FAM219A: variants seen among roughly 807,000 people sequenced by gnomAD.
FAM219A encodes the protein family with sequence similarity 219 member A.
A neutral mutation model predicts 23.4 loss-of-function variants in FAM219A; 7 were observed. The observed-to-expected ratio is 0.30, with a 90% CI of 0.17 to 0.56. FAM219A has a LOEUF of 0.56. FAM219A is among the 20% of genes least tolerant of loss of function. The pLI, the probability that FAM219A is intolerant of heterozygous loss-of-function variation, is 0.92. For synonymous variants in FAM219A, 93 were observed against 99.0 expected (o/e 0.94, Z 0.36); for missense variants, 166 against 246.9 (o/e 0.67, Z 2.20).
At position 34,457,946 on chromosome 9, in the gene FAM219A, C is replaced by A. The variant is rs2132031733; in HGVS notation, c.60+258G>T. Among the ~76,000 whole-genome samples the A allele has an allele frequency of 6.6e-6, 1 of 152,342 alleles. No individual in the cohort carries two copies. The highest frequency in any genetic ancestry group is 2.1e-4 in the South Asian group (1 of 4,830). ...TCCACTAGCGGTGTGCACCTTTGTG[C>A]CCCCTCCGTTCCATCCGACGGTGCC... On this transcript the variant is annotated intron_variant, in intron 1 of 5. Transcript: ENST00000651358. The surrounding 1 kb of genome is among the most constrained non-coding windows in gnomAD (Gnocchi z 5.1).
intron 1 of FAM219A, among the ~76,000 whole-genome samples, chr9:34,434,482 A>G (rs1173581845): frequency 6.6e-6 from 1 of 152,180 alleles, no homozygotes; most frequent in African/African-American, 2.4e-5. Flanking sequence ...AGAGAAAAAG[A>G]ATCTGAAGCC....
intron 1 of FAM219A, among the ~76,000 whole-genome samples, chr9:34,443,297 G>T (rs1011031867): frequency 2.6e-5 from 4 of 152,100 alleles, no homozygotes; most frequent in African/African-American, 9.7e-5. Flanking sequence ...CTCCAGGAAG[G>T]CCCACTCTGC....
At chr9:34,404,701 C>CT (rs11368388) in intron 2 of FAM219A, among the ~76,000 whole-genome samples, 3,316 of 148,934 alleles carry the variant, frequency 0.022, 136 homozygotes, top group African/African-American at 0.078. Context: ...GAGAGAGACT[C>CT]TGTCTCAAAA....
chr9:34,437,933 G>A (rs891077761), intron 1 of FAM219A, among the ~76,000 whole-genome samples: 3 of 152,242 alleles, frequency 2.0e-5, no homozygotes, highest in South Asian at 2.1e-4. Context: ...AGGGAGAGGC[G>A]CGAGCGGGAA....
At chr9:34,406,104 G>C (rs1346443543) in intron 1 of FAM219A, 140 bp from the exon 2 acceptor site, 22 of 972,788 alleles carry the variant, frequency 2.3e-5, no homozygotes, top group Middle Eastern at 5.6e-4. Context: ...GGCATTCAGG[G>C]AGAGAGGGGC....
At chr9:34,428,719 G>C (rs1822577702) in intron 1 of FAM219A, among the ~76,000 whole-genome samples, 1 of 152,264 alleles carries the variant, frequency 6.6e-6, no homozygotes, top group South Asian at 2.1e-4. Flanking sequence ...CTGAGAGCGA[G>C]CTCTGGCTGA....
chr9:34,406,350 C>A, intron 1 of FAM219A: 1 of 985,390 alleles, frequency 1.0e-6, no homozygotes, highest in Non-Finnish European at 1.2e-6. Flanking sequence ...TCCTAGGTTC[C>A]TGTGAGTTTA....
rs1821300618 is a variant in FAM219A, at chr9:34,398,456, C to T, written c.*2508G>A. 7.1e-7 allele frequency: 1 copy of T among 1,414,440 alleles called. No homozygotes were observed. Among genetic ancestry groups the T allele is most frequent in the Non-Finnish European group, 9.7e-7 (1 of 1,028,768 alleles). 87.6% of individuals were successfully genotyped at this position (1,414,440 alleles called of 1,614,324 possible). A position where few individuals can be genotyped will look rare whatever the true frequency, so the allele number is the denominator to read the frequency against. ...AGATTCTTCCCTCCAACCTCCCAGA[C>T]AGGGAAGGAGGGAGCCACACCCCTC... On this transcript the variant is annotated 3_prime_UTR_variant, in exon 6 of 6. Transcript: ENST00000651358.
chr9:34,426,217 C>T (rs967790366), intron 1 of FAM219A, among the ~76,000 whole-genome samples: 5 of 152,194 alleles, frequency 3.3e-5, no homozygotes, highest in Admixed American at 1.3e-4. Context: ...CCACCACTCC[C>T]TTCTATTTTA....
At chr9:34,453,105 A>G (rs569796174) in intron 1 of FAM219A, among the ~76,000 whole-genome samples, 1 of 152,352 alleles carries the variant, frequency 6.6e-6, no homozygotes, top group South Asian at 2.1e-4. Flanking sequence ...GCCTCTGCCC[A>G]GGAGCCTGAG....
At chr9:34,415,673 A>G (rs1286677778) in intron 1 of FAM219A, among the ~76,000 whole-genome samples, 1 of 152,166 alleles carries the variant, frequency 6.6e-6, no homozygotes, top group African/African-American at 2.4e-5. Context: ...CATAGGAGTG[A>G]GCCTCTAGGA....
rs1390505380 is a variant in FAM219A, at chr9:34,416,255, G to GAA, written c.61-10293_61-10292dup. On this transcript the variant is annotated intron_variant, in intron 1 of 5. Transcript: ENST00000651358. ...AGAAAGAAAGAAAGAAAGAAAGAAA[G>GAA]AAAGGGGGAGGGAGGGAGGGAAGGA... Among the ~76,000 whole-genome samples the GAA allele has an allele frequency of 3.1e-5, 4 of 129,846 alleles. No individual in the cohort carries two copies. The East Asian group carries it at 7.4e-4, about 24-fold the overall frequency. 85.2% of individuals were successfully genotyped at this position (129,846 alleles called of 152,430 possible).
intron 1 of FAM219A, among the ~76,000 whole-genome samples, chr9:34,414,949 A>T (rs1190266500): frequency 2.6e-5 from 4 of 151,892 alleles, no homozygotes; most frequent in African/African-American, 9.7e-5. Context: ...CTTCTTTGTC[A>T]TTTTTTCTTT....
chr9:34,458,414 G>A lies in FAM219A; in HGVS notation c.-151C>T. On this transcript the variant is annotated 5_prime_UTR_variant, in exon 1 of 6. Coordinates refer to ENST00000651358, the MANE Select transcript of FAM219A (RefSeq NM_001184940.2). The surrounding 1 kb of genome is among the most constrained non-coding windows in gnomAD (Gnocchi z 6.6). ...GCAGGGGCCGGGCGGATGCAGGGGTGGGCGGGGGCGAGAGGTTCGCAGACT... is the reference window on the plus strand; with the variant it reads ...GCAGGGGCCGGGCGGATGCAGGGGTAGGCGGGGGCGAGAGGTTCGCAGACT... 2.4e-6 allele frequency: 1 copy of A among 410,692 alleles called. No individual in the cohort carries two copies. The highest frequency in any genetic ancestry group is 3.9e-6 in the Non-Finnish European group (1 of 255,024). 25.4% of individuals were successfully genotyped at this position (410,692 alleles called of 1,614,324 possible). A position where few individuals can be genotyped will look rare whatever the true frequency, so the allele number is the denominator to read the frequency against.
chr9:34,416,040 G>C (rs1564003069), intron 1 of FAM219A, among the ~76,000 whole-genome samples: 1 of 151,844 alleles, frequency 6.6e-6, no homozygotes, highest in African/African-American at 2.4e-5. Flanking sequence ...AGCCAGGTGT[G>C]GTGGCACACA....
At position 34,458,094 on chromosome 9, in the gene FAM219A, T is replaced by C. The variant is rs538924283; in HGVS notation, c.60+110A>G. The C allele has an allele frequency of 6.8e-6, 7 of 1,028,800 alleles. No homozygotes were observed. In the South Asian group the frequency reaches 1.1e-4, roughly 17 times the overall value. 63.7% of individuals were successfully genotyped at this position (1,028,800 alleles called of 1,614,324 possible). A position where few individuals can be genotyped will look rare whatever the true frequency, so the allele number is the denominator to read the frequency against. ...CGGCAATACGTTTTCAGGGATCTCT[T>C]TGCCCCATCCGATGGCGCCCCTCCG... is the stretch of plus-strand genomic sequence containing the variant. On this transcript the variant is annotated intron_variant, in intron 1 of 5. Coordinates refer to ENST00000651358, the MANE Select transcript of FAM219A (RefSeq NM_001184940.2). This position sits in a 1 kb window ranked among gnomAD's most constrained non-coding sequence, Gnocchi z 6.6.
intron 1 of FAM219A, among the ~76,000 whole-genome samples, chr9:34,437,905 G>C (rs1470346524): frequency 6.6e-6 from 1 of 152,262 alleles, no homozygotes; most frequent in Admixed American, 6.5e-5. Flanking sequence ...GGCTCCCTCA[G>C]CTTGCAGGGA....
At chr9:34,435,428 T>C (rs1056324239) in intron 1 of FAM219A, among the ~76,000 whole-genome samples, 2 of 151,638 alleles carry the variant, frequency 1.3e-5, no homozygotes, top group African/African-American at 4.9e-5. Flanking sequence ...TTTCCCCAAA[T>C]AGAAAAAAAT....
chr9:34,433,896 T>A (rs1457200426), intron 1 of FAM219A, among the ~76,000 whole-genome samples: 1 of 152,098 alleles, frequency 6.6e-6, no homozygotes, highest in Non-Finnish European at 1.5e-5. Context: ...GTTGCTCAGG[T>A]TGGTTTTAAG....
Sources: gnomAD v4.1 joint callset for allele counts (sites outside exome capture counted in the v4.1 genomes callset) on GRCh38, gnomAD v4.1.1 for gene constraint, Gnocchi (gnomAD v3.1) non-coding constraint, MANE v1.5 for transcripts, NCBI Gene and HGNC (gene_info 2026-07-23, HGNC 2026-07-21) for gene names.